Variants in PPARGC1A observed in about 807,000 individuals in gnomAD.
The protein encoded by PPARGC1A is PPARG coactivator 1 alpha, also known as peroxisome proliferator-activated receptor gamma coactivator 1-alpha.
A neutral mutation model predicts 88.7 loss-of-function variants in PPARGC1A; 25 were observed. That is an observed-to-expected ratio of 0.28 (90% confidence interval 0.21 to 0.39). The LOEUF is 0.39. PPARGC1A is among the 10% of genes least tolerant of loss of function. PPARGC1A has a pLI of 1.00. For missense variants in PPARGC1A, 880 were observed against 968.7 expected, an observed-to-expected ratio of 0.91 and a Z score of 1.22; for synonymous variants, 363 against 355.6, an observed-to-expected ratio of 1.02 and a Z score of -0.24.
At chr4:24,286,309 T>C in the PPARGC1A span, among the ~76,000 whole-genome samples, 1 of 152,168 alleles carries the variant, frequency 6.6e-6, no homozygotes, top group Non-Finnish European at 1.5e-5. Flanking sequence ...ATCTATTCCT[T>C]AGTCTTGTTC....
chr4:24,192,242 T>C, the PPARGC1A span, among the ~76,000 whole-genome samples: 1 of 152,172 alleles, frequency 6.6e-6, no homozygotes, highest in Non-Finnish European at 1.5e-5. Context: ...CTTGGACCAG[T>C]CTTTGGGCCT....
At chr4:24,336,758 G>A in the PPARGC1A span, among the ~76,000 whole-genome samples, 1 of 150,816 alleles carries the variant, frequency 6.6e-6, no homozygotes, top group African/African-American at 2.4e-5. Flanking sequence ...TCCATTTTTT[G>A]CGTTATAAAT....
In PPARGC1A at chr4:23,837,523, C is replaced by T. The variant is rs369821826; in HGVS notation, c.235-5772G>A. On this transcript the variant is annotated intron_variant, in intron 2 of 12. Coordinates refer to ENST00000264867, the MANE Select transcript of PPARGC1A (RefSeq NM_013261.5). Reference sequence around the variant, plus strand: ...TTCTTTGAACAGGATCTACCACAGACGTTTAGCACTGGGCCAACTCCCCCC... The same window carrying T: ...TTCTTTGAACAGGATCTACCACAGATGTTTAGCACTGGGCCAACTCCCCCC... Among the ~76,000 whole-genome samples, 12 of 152,230 alleles carry T rather than the reference C, an allele frequency of 7.9e-5. No individual in the cohort carries two copies. The East Asian group carries it at 1.9e-3, about 24-fold the overall frequency.
At chr4:24,294,989 G>A in the PPARGC1A span, among the ~76,000 whole-genome samples, 1 of 152,190 alleles carries the variant, frequency 6.6e-6, no homozygotes, top group African/African-American at 2.4e-5. Flanking sequence ...GACTAGTAGG[G>A]AGGCGGTTTC....
chr4:24,237,587 T>A, the PPARGC1A span, among the ~76,000 whole-genome samples: 96 of 152,302 alleles, frequency 6.3e-4, no homozygotes, highest in African/African-American at 2.3e-3. Context: ...TTTAGCTACT[T>A]GTCATATGAC....
the PPARGC1A span, among the ~76,000 whole-genome samples, chr4:24,128,531 AGTGTGTGTGTGTGT>A: frequency 0.019 from 2,600 of 138,256 alleles, 82 homozygotes; most frequent in African/African-American, 0.063. Flanking sequence ...AGCCTGTCAC[AGTGTGTGTGTGTGT>A]GTGTGTGTGT....
chr4:24,430,255 CTTT>C, the PPARGC1A span, among the ~76,000 whole-genome samples: 759 of 110,710 alleles, frequency 6.9e-3, 5 homozygotes, highest in African/African-American at 0.025. Flanking sequence ...TTTTGTATTT[CTTT>C]TTTTTTTTTT....
chr4:23,912,707 A>C, the PPARGC1A span, among the ~76,000 whole-genome samples: 25 of 151,984 alleles, frequency 1.6e-4, no homozygotes, highest in Non-Finnish European at 3.1e-4. Flanking sequence ...TGAACTCAAG[A>C]CTGCAGTGTC....
At chr4:23,806,530 C>T (rs971515925) in intron 10 of PPARGC1A, among the ~76,000 whole-genome samples, 3 of 152,110 alleles carry the variant, frequency 2.0e-5, no homozygotes, top group African/African-American at 7.2e-5. Flanking sequence ...AACAGCTCCT[C>T]GAAAAATGAT....
chr4:23,813,208 G>C (rs1311194479), intron 8 of PPARGC1A, 83 bp from the exon 9 acceptor site: 2 of 1,151,340 alleles, frequency 1.7e-6, no homozygotes, highest in Non-Finnish European at 2.6e-6. Flanking sequence ...CATCCTCTGG[G>C]ACACTGTATT....
At chr4:23,885,957 A>G (rs941753295) in intron 1 of PPARGC1A, among the ~76,000 whole-genome samples, 2 of 152,178 alleles carry the variant, frequency 1.3e-5, no homozygotes, top group African/African-American at 4.8e-5. Context: ...CTGTTTTACC[A>G]TGCGGCTTTT....
the PPARGC1A span, among the ~76,000 whole-genome samples, chr4:23,936,377 C>A: frequency 1.3e-5 from 2 of 152,172 alleles, no homozygotes; most frequent in African/African-American, 4.8e-5. Context: ...TTAGGTTCTA[C>A]TCTATAGCCT....
the PPARGC1A span, among the ~76,000 whole-genome samples, chr4:24,209,851 A>T: frequency 6.6e-6 from 1 of 152,206 alleles, no homozygotes; most frequent in East Asian, 1.9e-4. Flanking sequence ...ATGCTCAGAA[A>T]AGTTTACTGA....
chr4:24,197,414 C>T, the PPARGC1A span, among the ~76,000 whole-genome samples: 1 of 152,156 alleles, frequency 6.6e-6, no homozygotes, highest in Non-Finnish European at 1.5e-5. Flanking sequence ...TTATTCATTC[C>T]TGAATTTCCA....
the PPARGC1A span, among the ~76,000 whole-genome samples, chr4:24,233,258 A>C: frequency 6.6e-6 from 1 of 152,224 alleles, no homozygotes; most frequent in South Asian, 2.1e-4. Flanking sequence ...CCCAATAGCC[A>C]AGCAAATATG....
chr4:23,997,547 C>T, the PPARGC1A span, among the ~76,000 whole-genome samples: 29 of 144,416 alleles, frequency 2.0e-4, no homozygotes, highest in South Asian at 8.9e-4. Context: ...CTGTCACCCA[C>T]GCTAGAGGGC....
At chr4:23,818,837 ATCTTTT>A (rs1722453391) in intron 7 of PPARGC1A, among the ~76,000 whole-genome samples, 1 of 85,822 alleles carries the variant, frequency 1.2e-5, no homozygotes, top group East Asian at 3.7e-4. Context: ...CACCAATGGC[ATCTTTT>A]TTTTTTTTTT....
At chr4:23,946,492 C>T in the PPARGC1A span, among the ~76,000 whole-genome samples, 1 of 152,116 alleles carries the variant, frequency 6.6e-6, no homozygotes, top group South Asian at 2.1e-4. Flanking sequence ...TGCTACAAAT[C>T]CAGGACAAGA....
chr4:24,036,098 C>T, the PPARGC1A span, among the ~76,000 whole-genome samples: 1 of 152,126 alleles, frequency 6.6e-6, no homozygotes, highest in African/African-American at 2.4e-5. Context: ...CCTCAATTTC[C>T]TCGTCTGTGA....
Sources: gnomAD v4.1 joint callset for allele counts (sites outside exome capture counted in the v4.1 genomes callset) on GRCh38, gnomAD v4.1.1 for gene constraint, MANE v1.5 for transcripts, NCBI Gene and HGNC (gene_info 2026-07-23, HGNC 2026-07-21) for gene names.